LRG1: variants seen among roughly 807,000 people sequenced by gnomAD.
LRG1 encodes the protein leucine rich alpha-2-glycoprotein 1, also known as leucine-rich alpha-2-glycoprotein.
LRG1 carries 1 observed loss-of-function variant against 2.4 expected under a neutral mutation model. That is an observed-to-expected ratio of 0.41 (90% confidence interval 0.15 to 1.95). LRG1 has a LOEUF of 1.95. Ranked by LOEUF, LRG1 falls within the 30% of genes most tolerant of loss-of-function variation. The pLI is 0.30. For missense variants in LRG1, 425 were observed against 436.9 expected (o/e 0.97, Z 0.24); for synonymous variants, 226 against 210.6 (o/e 1.07, Z -0.63).
Position 4,538,132 on chromosome 19 carries a change from C to T in LRG1, c.852G>A (p.Gly284=). 6.2e-7 allele frequency: 1 copy of T among 1,614,064 alleles called. No individual in the cohort carries two copies. The highest frequency in any genetic ancestry group is 8.5e-7 in the Non-Finnish European group (1 of 1,180,022). The change falls in exon 2 of 2, where the codon GGG becomes GGA. Residue 284 remains glycine (G), a synonymous_variant. Coordinates refer to ENST00000306390, the MANE Select transcript of LRG1 (RefSeq NM_052972.3). Reference sequence around the variant, plus strand: ...CATCCCGCATGTCCCAGTTTGGCTGCCCTAGGGATGCCCAGAGCCCCTCGG... The same window carrying T: ...CATCCCGCATGTCCCAGTTTGGCTGTCCTAGGGATGCCCAGAGCCCCTCGG... The part of the protein sequence containing the change: ...SVPEGLWASL[G]QPNWDMRDGF...
chr19:4,538,136 A>G lies in LRG1; in HGVS notation c.848T>C (p.Leu283Pro). 6.2e-7 allele frequency: 1 copy of G among 1,614,000 alleles called. No homozygotes were observed. The highest frequency in any genetic ancestry group is 1.3e-5 in the African/African-American group (1 of 75,034). The change falls in exon 2 of 2, where the codon CTA (leucine) becomes CCA (proline). Residue 283 changes from leucine to proline, a missense_variant. Transcript: ENST00000306390. ...CCGCATGTCCCAGTTTGGCTGCCCT[A>G]GGGATGCCCAGAGCCCCTCGGGCAC... ...ASVPEGLWAS[L>P]GQPNWDMRDG...
Position 4,538,321 on chromosome 19 carries a change from GC to G in LRG1, c.662del (p.Gly221AlafsTer23), listed in dbSNP as rs1568248664. Reference sequence around the variant, plus strand: ...CTTTTCCCAGTACTTGCAATTTGTTGCCTTCTAGATGTAGCCGTTCTAATTG... The same window carrying G: ...CTTTTCCCAGTACTTGCAATTTGTTGCTTCTAGATGTAGCCGTTCTAATTG... ...PLQLERLHLE[G>X]NKLQVLGKDL... On this transcript the variant is annotated frameshift_variant, in exon 2 of 2. Coordinates refer to ENST00000306390, the MANE Select transcript of LRG1 (RefSeq NM_052972.3). LOFTEE classifies it low-confidence loss of function (END_TRUNC). 1 of 1,614,104 alleles carries G rather than the reference GC, an allele frequency of 6.2e-7. No individual in the cohort carries two copies. Among genetic ancestry groups the G allele is most frequent in the Non-Finnish European group, 8.5e-7 (1 of 1,180,058 alleles).
In LRG1 at chr19:4,538,238, G is replaced by A. The variant is rs781532140; in HGVS notation, c.746C>T (p.Ala249Val). The A allele has an allele frequency of 6.2e-7, 1 of 1,614,058 alleles. No homozygotes were observed. The highest frequency in any genetic ancestry group is 1.7e-5 in the Admixed American group (1 of 60,032). The part of the protein sequence containing the change: ...RYLFLNGNKL[A>V]RVAAGAFQGL... ...CTGGAAGGCACCGGCTGCCACCCTGGCCAGCTTGTTGCCGTTCAGGAAGAG... is the reference window on the plus strand; with the variant it reads ...CTGGAAGGCACCGGCTGCCACCCTGACCAGCTTGTTGCCGTTCAGGAAGAG... The change falls in exon 2 of 2, where the codon GCC becomes GTC. Residue 249 changes from alanine (A) to valine (V), a missense_variant. Coordinates refer to ENST00000306390, the MANE Select transcript of LRG1 (RefSeq NM_052972.3).
Position 4,537,889 on chromosome 19 carries a change from C to T in LRG1, c.*51G>A, listed in dbSNP as rs551504632. On this transcript the variant is annotated 3_prime_UTR_variant, in exon 2 of 2. Coordinates refer to ENST00000306390, the MANE Select transcript of LRG1 (RefSeq NM_052972.3). ...GCCAAAGGCAGGATTATTTGTTAAGCGGGTTGCAGTGTTCTACCAGACCCC... is the reference window on the plus strand; with the variant it reads ...GCCAAAGGCAGGATTATTTGTTAAGTGGGTTGCAGTGTTCTACCAGACCCC... 22 of 1,542,954 alleles carry T rather than the reference C, an allele frequency of 1.4e-5. No homozygotes were observed. Among genetic ancestry groups the T allele is most frequent in the East Asian group, 2.3e-5 (1 of 44,138 alleles).
intron 1 of LRG1, 26 bp from the exon 2 acceptor site, chr19:4,538,977 A>C (rs1255688882): frequency 2.3e-5 from 35 of 1,490,198 alleles, no homozygotes; most frequent in Non-Finnish European, 3.1e-5. Flanking sequence ...GAAGATGCTT[A>C]CTAAACCACA....
Position 4,537,877 on chromosome 19 carries a change from T to G in LRG1, c.*63A>C. 1.3e-6 allele frequency: 2 copies of G among 1,529,958 alleles called. No homozygotes were observed. Among genetic ancestry groups the G allele is most frequent in the South Asian group, 2.5e-5 (2 of 79,304 alleles). 94.8% of individuals were successfully genotyped at this position (1,529,958 alleles called of 1,614,324 possible). A position where few individuals can be genotyped will look rare whatever the true frequency, so the allele number is the denominator to read the frequency against. ...CCCCCGCACCCGGCCAAAGGCAGGATTATTTGTTAAGCGGGTTGCAGTGTT... is the reference window on the plus strand; with the variant it reads ...CCCCCGCACCCGGCCAAAGGCAGGAGTATTTGTTAAGCGGGTTGCAGTGTT... On this transcript the variant is annotated 3_prime_UTR_variant, in exon 2 of 2. Transcript: ENST00000306390.
At position 4,536,445 on chromosome 19, in the gene LRG1, G is replaced by T. The variant is rs145955387; in HGVS notation, c.*1495C>A. ...TATTTTTGAGACACAGTTTCACTCT[G>T]TCGCCCAGCCTGGAGTGCAGTGGCG... is the stretch of plus-strand genomic sequence containing the variant. On this transcript the variant is annotated 3_prime_UTR_variant, in exon 2 of 2. Transcript: ENST00000306390. 1 of 151,792 alleles carries T rather than the reference G, an allele frequency of 6.6e-6. No homozygotes were observed. Among genetic ancestry groups the T allele is most frequent in the African/African-American group, 2.4e-5 (1 of 41,264 alleles). 9.4% of individuals were successfully genotyped at this position (151,792 alleles called of 1,614,324 possible).
chr19:4,538,797 G>A lies in LRG1; in HGVS notation c.187C>T (p.Pro63Ser). ...ACGGTGTCGGCTGGCAGGTAGCCGGGGATTTCGGCAGGTGGTTGACAGGAG... is the reference window on the plus strand; with the variant it reads ...ACGGTGTCGGCTGGCAGGTAGCCGGAGATTTCGGCAGGTGGTTGACAGGAG... Reference protein sequence around the residue: ...SISCQPPAEIPGYLPADTVHL... With the variant: ...SISCQPPAEISGYLPADTVHL... The change falls in exon 2 of 2, where the codon CCC becomes TCC. Residue 63 changes from proline to serine, a missense_variant. By Grantham distance (74) the Pro-to-Ser change is moderately conservative. Transcript: ENST00000306390. 1 of 1,604,354 alleles carries A rather than the reference G, an allele frequency of 6.2e-7. No individual in the cohort carries two copies. The highest frequency in any genetic ancestry group is 1.1e-5 in the South Asian group (1 of 90,556).
Position 4,538,810 on chromosome 19 carries a change from T to TG in LRG1, c.173dup (p.Pro59ThrfsTer35). On this transcript the variant is annotated frameshift_variant, in exon 2 of 2. Coordinates refer to ENST00000306390, the MANE Select transcript of LRG1 (RefSeq NM_052972.3). LOFTEE classifies it low-confidence loss of function (END_TRUNC). The stretch of plus-strand genomic sequence containing the variant: ...GCAGGTAGCCGGGGATTTCGGCAGG[T>TG]GGTTGACAGGAGATGGAGCTGCCAT... 6.2e-7 allele frequency: 1 copy of TG among 1,602,248 alleles called. No homozygotes were observed. Among genetic ancestry groups the TG allele is most frequent in the Non-Finnish European group, 8.5e-7 (1 of 1,171,424 alleles).
rs1031037940 is a variant in LRG1, at chr19:4,539,903, A to G, written c.32+79T>C. On this transcript the variant is annotated intron_variant, in intron 1 of 1. Transcript: ENST00000306390. The stretch of plus-strand genomic sequence containing the variant: ...CCTGTATCTGCTCCCTGTGACTTCT[A>G]TGGGTTAGCTGGAATGTCCTGTATC... 5.7e-5 allele frequency: 89 copies of G among 1,560,008 alleles called. No homozygotes were observed. The Admixed American group carries it at 1.0e-3, about 18-fold the overall frequency.
At chr19:4,539,931 C>T (rs181159954) in intron 1 of LRG1, 51 bp downstream of exon 1, 33 of 1,610,046 alleles carry the variant, frequency 2.0e-5, no homozygotes, top group Non-Finnish European at 2.5e-5. Flanking sequence ...CCTGTATCTC[C>T]GCATGGTCTG....
rs1203443045 is a variant in LRG1 at position 4,538,964 on chromosome 19, A to G, written c.33-13T>C. 1.3e-6 allele frequency: 2 copies of G among 1,497,730 alleles called. No individual in the cohort carries two copies. The highest frequency in any genetic ancestry group is 1.8e-6 in the Non-Finnish European group (2 of 1,122,176). 92.8% of individuals were successfully genotyped at this position (1,497,730 alleles called of 1,614,324 possible). On this transcript the variant is annotated splice_polypyrimidine_tract_variant and intron_variant, in intron 1 of 1. Transcript: ENST00000306390. ...AATGCCCCCTGGGCTGCAGGCAGTA[A>G]CAGAAGATGCTTACTAAACCACAGT... is the stretch of plus-strand genomic sequence containing the variant.
chr19:4,538,004 G>A lies in LRG1; in HGVS notation c.980C>T (p.Thr327Met), dbSNP rs749415690. ...CACGGCTTCAGGCCCAGCACAGCGC[G>A]TGTCATTCTGGGAAAACATCTTGTC... ...QKDKMFSQND[T>M]RCAGPEAVKG... is the part of the protein sequence containing the mutation. Residue 327 changes from threonine (T) to methionine (M), a missense_variant, in exon 2 of 2, where the codon ACG becomes ATG. Physicochemically the swap from Thr to Met is moderately conservative, Grantham distance 81. Transcript: ENST00000306390. 18 of 1,613,846 alleles carry A rather than the reference G, an allele frequency of 1.1e-5. No individual in the cohort carries two copies. Among genetic ancestry groups the A allele is most frequent in the African/African-American group, 2.7e-5 (2 of 74,944 alleles).
Position 4,538,504 on chromosome 19 carries a change from T to C in LRG1, c.480A>G (p.Leu160=). 6.2e-7 allele frequency: 1 copy of C among 1,613,976 alleles called. No individual in the cohort carries two copies. Among genetic ancestry groups the C allele is most frequent in the Non-Finnish European group, 8.5e-7 (1 of 1,180,018 alleles). ...GATGCCCCAGAGCTTTCAGGCCGTG[T>C]AGCCACGAGACCTCCAGGACCTCCA... ...NQLEVLEVSW[L]HGLKALGHLD... The change falls in exon 2 of 2, where the codon CTA becomes CTG. Residue 160 remains leucine (L), a synonymous_variant. Transcript: ENST00000306390.
rs1568248463 is a variant in LRG1 at position 4,538,059 on chromosome 19, CG to C, written c.924del (p.Ser308ArgfsTer28). The C allele has an allele frequency of 6.2e-7, 1 of 1,614,200 alleles. No individual in the cohort carries two copies. The highest frequency in any genetic ancestry group is 1.7e-5 in the Admixed American group (1 of 60,030). ...TGGGCCTGAAGCCAACGATAGAGGT[CG>C]CTCAGGTTCTGGTCACAGATCCAGG... ...GNPWICDQNL[S>X]DLYRWLQAQK... On this transcript the variant is annotated frameshift_variant, in exon 2 of 2. Transcript: ENST00000306390. LOFTEE classifies it low-confidence loss of function (END_TRUNC).
Position 4,537,577 on chromosome 19 carries a change from T to C in LRG1, c.*363A>G, listed in dbSNP as rs1976958632. 5.0e-6 allele frequency: 1 copy of C among 198,960 alleles called. No individual in the cohort carries two copies. Among genetic ancestry groups the C allele is most frequent in the African/African-American group, 2.3e-5 (1 of 42,712 alleles). The allele number at this position is 198,960 out of a possible 1,614,324, so 12.3% of individuals were successfully genotyped here. A position where few individuals can be genotyped will look rare whatever the true frequency, so the allele number is the denominator to read the frequency against. ...GGATTATTTGTTTTTAATTTTAATT[T>C]TAATTTTTTTGAGACAGTCTTGCTC... On this transcript the variant is annotated 3_prime_UTR_variant, in exon 2 of 2. Transcript: ENST00000306390.
intron 1 of LRG1, 159 bp from the exon 2 acceptor site, chr19:4,539,110 T>A (rs1976984805): frequency 1.8e-6 from 1 of 547,480 alleles, no homozygotes; most frequent in Admixed American, 3.9e-5. Context: ...AGTTGCTTCC[T>A]CCTCCTCTTC....
rs774662269 is a variant in LRG1 at position 4,538,021 on chromosome 19, C to T, written c.963G>A (p.Met321Ile). 18 of 1,614,150 alleles carry T rather than the reference C, an allele frequency of 1.1e-5. 3 individuals carry two copies. The South Asian group carries it at 2.0e-4, about 18-fold the overall frequency. The change falls in exon 2 of 2, where the codon ATG (methionine) becomes ATA (isoleucine). Residue 321 changes from methionine to isoleucine, a missense_variant. Coordinates refer to ENST00000306390, the MANE Select transcript of LRG1 (RefSeq NM_052972.3). ...YRWLQAQKDK[M>I]FSQNDTRCAG... ...CACAGCGCGTGTCATTCTGGGAAAACATCTTGTCTTTTTGGGCCTGAAGCC... is the reference window on the plus strand; with the variant it reads ...CACAGCGCGTGTCATTCTGGGAAAATATCTTGTCTTTTTGGGCCTGAAGCC...
intron 1 of LRG1, 47 bp downstream of exon 1, chr19:4,539,935 T>C: frequency 1.9e-6 from 3 of 1,611,508 alleles, no homozygotes; most frequent in African/African-American, 1.3e-5. Flanking sequence ...TATCTCCGCA[T>C]GGTCTGGCGT....
Sources: gnomAD v4.1 joint callset for allele counts on GRCh38, gnomAD v4.1.1 for gene constraint, MANE v1.5 for transcripts, NCBI Gene and HGNC (gene_info 2026-07-23, HGNC 2026-07-21) for gene names.